Variants in CACNA1C observed in about 807,000 individuals in gnomAD.
CACNA1C encodes calcium voltage-gated channel subunit alpha1 C.
Under a neutral mutation model 229.0 loss-of-function variants are expected in CACNA1C, and 30 were observed. The observed-to-expected ratio is 0.13, with a 90% confidence interval of 0.10 to 0.18. CACNA1C has a LOEUF of 0.18. Ranked by LOEUF, CACNA1C falls within the 10% of genes least tolerant of loss-of-function variation. CACNA1C has a pLI of 1.00. For synonymous variants in CACNA1C, 1,114 were observed against 1,132.5 expected, an observed-to-expected ratio of 0.98 and a Z score of 0.33; for missense variants, 1,658 against 2,845.0, an observed-to-expected ratio of 0.58 and a Z score of 9.49.
In CACNA1C at chr12:2,145,662, T is replaced by C. The variant is rs1447295873; in HGVS notation, c.477+25232T>C. On this transcript the variant is annotated intron_variant, in intron 3 of 46. Coordinates refer to ENST00000399655, the MANE Select transcript of CACNA1C (RefSeq NM_000719.7). Reference sequence around the variant, plus strand: ...GAGAGAGGGTATGGTACCTGCGGGCTTAAGTAGTCCGTGGGCTTGTGAGGA... The same window carrying C: ...GAGAGAGGGTATGGTACCTGCGGGCCTAAGTAGTCCGTGGGCTTGTGAGGA... Among the ~76,000 whole-genome samples, 4 of 151,438 alleles carry C rather than the reference T, an allele frequency of 2.6e-5. No individual in the cohort carries two copies. The East Asian group carries it at 5.8e-4, about 22-fold the overall frequency.
chr12:2,505,967 T>G (rs1020372113), intron 8 of CACNA1C, among the ~76,000 whole-genome samples: 1 of 152,094 alleles, frequency 6.6e-6, no homozygotes, highest in Non-Finnish European at 1.5e-5. Flanking sequence ...AGACAAAGAT[T>G]GCTCTCCACT....
chr12:2,200,789 C>T (rs1011864594), intron 3 of CACNA1C, among the ~76,000 whole-genome samples: 8 of 152,158 alleles, frequency 5.3e-5, no homozygotes, highest in Admixed American at 2.0e-4. Flanking sequence ...GCTGGGACCC[C>T]TCCAGATGAG....
At chr12:1,989,342 G>A (rs1240419810) in intron 1 of CACNA1C, among the ~76,000 whole-genome samples, 1 of 151,512 alleles carries the variant, frequency 6.6e-6, no homozygotes, top group Non-Finnish European at 1.5e-5. Context: ...TGTCTCTAAA[G>A]AGCAGAGCAG....
At chr12:2,111,610 G>A (rs1360155951) in intron 1 of CACNA1C, among the ~76,000 whole-genome samples, 1 of 152,040 alleles carries the variant, frequency 6.6e-6, no homozygotes, top group African/African-American at 2.4e-5. Context: ...GTGAATTGGG[G>A]GCTGGGAATG....
rs1394714533 is a variant in CACNA1C at position 2,215,075 on chromosome 12, G to A, written c.477+94645G>A. Among the ~76,000 whole-genome samples, 2 of 152,148 alleles carry A rather than the reference G, an allele frequency of 1.3e-5. No individual in the cohort carries two copies. Among genetic ancestry groups the A allele is most frequent in the African/African-American group, 4.8e-5 (2 of 41,434 alleles). On this transcript the variant is annotated intron_variant, in intron 3 of 46. Transcript: ENST00000399655. This position sits in a 1 kb window ranked among gnomAD's most constrained non-coding sequence, Gnocchi z 5.0. ...AGTGAGGACCTGCATTGCAGCGGGT[G>A]TGTCGGAGGGCTCAGCAAACGTGTG... is the stretch of plus-strand genomic sequence containing the variant.
rs751220130 is a variant in CACNA1C, at chr12:2,143,534, G to A, written c.477+23104G>A. ...CACAAATACTTACCATTGTGCGACA[G>A]TTGCTACAGTGTTCAGTACAGTCTC... On this transcript the variant is annotated intron_variant, in intron 3 of 46. Coordinates refer to ENST00000399655, the MANE Select transcript of CACNA1C (RefSeq NM_000719.7). 7.3e-5 allele frequency among the ~76,000 whole-genome samples: 11 copies of A among 151,178 alleles called. 1 individual carries two copies. The highest frequency in any genetic ancestry group is 7.4e-5 in the Non-Finnish European group (5 of 67,606).
chr12:2,440,430 G>T (rs971276324), intron 3 of CACNA1C, among the ~76,000 whole-genome samples: 1 of 152,118 alleles, frequency 6.6e-6, no homozygotes. Context: ...TTCACGGCTC[G>T]TCCATGCTGT....
intron 39 of CACNA1C, chr12:2,676,850 C>A: frequency 3.3e-6 from 1 of 307,182 alleles, no homozygotes; most frequent in Admixed American, 4.5e-5. Context: ...TGAGAAAATA[C>A]TCAAGAAACT....
rs1272895464 is a variant in CACNA1C, at chr12:2,696,316, A to G, written c.*5117A>G. ...TTTCATGAAAGTTCCCCACGTCTCT[A>G]CTAAGAATGAGGAAGAAAAGACTAA... On this transcript the variant is annotated 3_prime_UTR_variant, in exon 47 of 47. Coordinates refer to ENST00000399655, the MANE Select transcript of CACNA1C (RefSeq NM_000719.7). 6.6e-6 allele frequency: 1 copy of G among 152,180 alleles called. No individual in the cohort carries two copies. The highest frequency in any genetic ancestry group is 1.5e-5 in the Non-Finnish European group (1 of 68,030). 9.4% of individuals were successfully genotyped at this position (152,180 alleles called of 1,614,324 possible).
At chr12:2,538,197 T>C (rs2099860526) in intron 9 of CACNA1C, among the ~76,000 whole-genome samples, 1 of 152,214 alleles carries the variant, frequency 6.6e-6, no homozygotes, top group South Asian at 2.1e-4. Flanking sequence ...ATTATGGTGA[T>C]GGCAGAGCGC....
intron 3 of CACNA1C, among the ~76,000 whole-genome samples, chr12:2,399,353 T>C (rs534367699): frequency 2.0e-5 from 3 of 152,308 alleles, no homozygotes; most frequent in African/African-American, 7.2e-5. Context: ...TGGGTTCTTG[T>C]CCGGGATCTA....
intron 1 of CACNA1C, among the ~76,000 whole-genome samples, chr12:2,114,361 C>T (rs1357675550): frequency 6.6e-6 from 1 of 152,144 alleles, no homozygotes; most frequent in Non-Finnish European, 1.5e-5. Context: ...CAGAGACAGT[C>T]AGGGGGATGC....
chr12:1,978,087 A>G (rs1472016489), intron 1 of CACNA1C, among the ~76,000 whole-genome samples: 1 of 152,210 alleles, frequency 6.6e-6, no homozygotes, highest in East Asian at 1.9e-4. Flanking sequence ...CACTCAGGAA[A>G]AATATTAAGT....
At position 2,692,423 on chromosome 12, in the gene CACNA1C, A is replaced by G. The variant is rs2097798605; in HGVS notation, c.*1224A>G. ...CTGTGTGCATATGTCCTGCCCGTGT[A>G]TATGCACCCACACCATGTGCCCGTG... On this transcript the variant is annotated 3_prime_UTR_variant, in exon 47 of 47. Transcript: ENST00000399655. The G allele has an allele frequency of 1.3e-5, 2 of 152,554 alleles. No homozygotes were observed. The highest frequency in any genetic ancestry group is 1.3e-4 in the Admixed American group (2 of 15,272). The allele number at this position is 152,554 out of a possible 1,614,324, so 9.5% of individuals were successfully genotyped here.
chr12:2,280,477 AACCTCTTGATACCTTGCTGTGCTTCG>A (rs2090815774), intron 3 of CACNA1C, among the ~76,000 whole-genome samples: 3 of 71,966 alleles, frequency 4.2e-5, no homozygotes, highest in African/African-American at 1.7e-4. Flanking sequence ...GCTTCGGTTT[AACCTCTTGATACCTTGCTGTGCTTCG>A]GTTTAACCTC....
rs2051745402 is a variant in CACNA1C, at chr12:2,567,424, ACTT to A, written c.1670-142_1670-140del. Reference sequence around the variant, plus strand: ...GCCCTTTCCCATTGGCTTGGCCCCAACTTCTGTTCTGGCCGAGGTGGATGGGAG... The same window carrying A: ...GCCCTTTCCCATTGGCTTGGCCCCAACTGTTCTGGCCGAGGTGGATGGGAG... On this transcript the variant is annotated intron_variant, in intron 12 of 46. Transcript: ENST00000399655. 5 of 604,494 alleles carry A rather than the reference ACTT, an allele frequency of 8.3e-6. No homozygotes were observed. The East Asian group carries it at 1.4e-4, about 17-fold the overall frequency. The allele number at this position is 604,494 out of a possible 1,614,324, so 37.4% of individuals were successfully genotyped here.
intron 1 of CACNA1C, among the ~76,000 whole-genome samples, chr12:2,072,300 G>T (rs2061646372): frequency 6.6e-6 from 1 of 152,134 alleles, no homozygotes; most frequent in Non-Finnish European, 1.5e-5. Flanking sequence ...CCGGGTTCAA[G>T]CAGTTCTCCT....
chr12:2,320,412 T>C (rs138576895), intron 3 of CACNA1C, among the ~76,000 whole-genome samples: 31 of 152,386 alleles, frequency 2.0e-4, no homozygotes, highest in Admixed American at 1.2e-3. Context: ...CAACACGTCC[T>C]AGTCCATCAG....
At chr12:2,007,583 G>C (rs2043685963) in intron 1 of CACNA1C, among the ~76,000 whole-genome samples, 1 of 152,186 alleles carries the variant, frequency 6.6e-6, no homozygotes, top group South Asian at 2.1e-4. Context: ...GTAAGATGAA[G>C]ATACCCTTAC....
Sources: allele counts gnomAD v4.1 joint callset (sites outside exome capture counted in the v4.1 genomes callset), GRCh38; gene constraint gnomAD v4.1.1; non-coding constraint Gnocchi (gnomAD v3.1); transcripts MANE v1.5; gene names NCBI Gene and HGNC (gene_info 2026-07-23, HGNC 2026-07-21).